The following PBX3 variants were observed in gnomAD, a reference collection of about 807,000 sequenced individuals.
The protein encoded by PBX3 is PBX homeobox 3.
A neutral mutation model predicts 48.5 loss-of-function variants in PBX3; 14 were observed. That is an observed-to-expected ratio of 0.29 (90% CI 0.19 to 0.45). PBX3 has a LOEUF of 0.45. PBX3 is among the 20% of genes least tolerant of loss of function. The pLI is 1.00. For synonymous variants in PBX3, 210 were observed against 200.3 expected (o/e 1.05, Z -0.41); for missense variants, 386 against 546.7 (o/e 0.71, Z 2.93).
chr9:125,896,032 C>G (rs1039544266), intron 2 of PBX3, among the ~76,000 whole-genome samples: 1 of 152,064 alleles, frequency 6.6e-6, no homozygotes, highest in Non-Finnish European at 1.5e-5. Context: ...CTGCAAAATA[C>G]TCACTTATTC....
chr9:125,804,993 A>T (rs141042396), intron 2 of PBX3, among the ~76,000 whole-genome samples: 1 of 151,982 alleles, frequency 6.6e-6, no homozygotes, highest in Non-Finnish European at 1.5e-5. Context: ...AAGAAGACAG[A>T]TAAGCTTCTC....
In PBX3 at chr9:125,912,917, A is replaced by G. The variant is rs144854562; in HGVS notation, c.275-2769A>G. ...GACTAAAAGCCAGTGTAACTCTAGAAAGTTAGTAAACTAAGTAATAGTGAG... is the reference window on the plus strand; with the variant it reads ...GACTAAAAGCCAGTGTAACTCTAGAGAGTTAGTAAACTAAGTAATAGTGAG... On this transcript the variant is annotated intron_variant, in intron 2 of 8. Transcript: ENST00000373489. Among the ~76,000 whole-genome samples, 1,047 of 152,270 alleles carry G rather than the reference A, an allele frequency of 6.9e-3. 4 individuals are homozygous for G. The highest frequency in any genetic ancestry group is 0.027 in the Middle Eastern group (8 of 294).
chr9:125,918,612 A>C (rs1841387048), intron 3 of PBX3, among the ~76,000 whole-genome samples: 2 of 152,174 alleles, frequency 1.3e-5, no homozygotes, highest in Non-Finnish European at 2.9e-5. Context: ...AGATATATAA[A>C]ATCTGTACAG....
chr9:125,960,890 C>T (rs1320251202), intron 6 of PBX3, 41 bp downstream of exon 6: 1 of 1,597,698 alleles, frequency 6.3e-7, no homozygotes, highest in African/African-American at 1.3e-5. Flanking sequence ...CCCAGGCAGC[C>T]TTATGCCACA....
At chr9:125,748,504 C>A (rs1392446635) in intron 1 of PBX3, 46 bp from the exon 2 acceptor site, 5 of 1,599,532 alleles carry the variant, frequency 3.1e-6, no homozygotes, top group Admixed American at 1.7e-5. Context: ...CCATATTATT[C>A]CATAGGTGAT....
intron 2 of PBX3, among the ~76,000 whole-genome samples, chr9:125,761,791 A>G (rs903636455): frequency 6.6e-6 from 1 of 152,140 alleles, no homozygotes; most frequent in Non-Finnish European, 1.5e-5. Context: ...TGATCACCCT[A>G]TAGAGGAATG....
At chr9:125,936,628 A>G (rs1841841919) in intron 5 of PBX3, among the ~76,000 whole-genome samples, 1 of 152,184 alleles carries the variant, frequency 6.6e-6, no homozygotes, top group African/African-American at 2.4e-5. Flanking sequence ...ATTTGAGGGA[A>G]TAGGGCCTGG....
chr9:125,814,638 A>G (rs1163742407), intron 2 of PBX3, among the ~76,000 whole-genome samples: 3 of 152,222 alleles, frequency 2.0e-5, no homozygotes, highest in Non-Finnish European at 4.4e-5. Context: ...CCAATGAATA[A>G]CATTCATGAT....
At chr9:125,790,838 G>A (rs1837581502) in intron 2 of PBX3, among the ~76,000 whole-genome samples, 1 of 152,034 alleles carries the variant, frequency 6.6e-6, no homozygotes, top group Non-Finnish European at 1.5e-5. Flanking sequence ...ATAGGTGTGA[G>A]CCACCGTTCC....
chr9:125,840,603 C>T (rs1246884952), intron 2 of PBX3, among the ~76,000 whole-genome samples: 1 of 151,820 alleles, frequency 6.6e-6, no homozygotes, highest in Non-Finnish European at 1.5e-5. Context: ...TCCTCGATCT[C>T]CTTGGTACAT....
At chr9:125,796,138 A>T (rs1028273147) in intron 2 of PBX3, among the ~76,000 whole-genome samples, 2 of 152,182 alleles carry the variant, frequency 1.3e-5, no homozygotes, top group Non-Finnish European at 2.9e-5. Context: ...AATAGCTCAG[A>T]TTAAAATTAG....
Position 125,779,947 on chromosome 9 carries a change from C to A in PBX3, c.274+31324C>A, listed in dbSNP as rs576678131. Reference sequence around the variant, plus strand: ...CTGGCCGGGCGGGGGGCTGACCCCCCACCTCCCTCCCGGACGGGGCGGCTG... The same window carrying A: ...CTGGCCGGGCGGGGGGCTGACCCCCAACCTCCCTCCCGGACGGGGCGGCTG... On this transcript the variant is annotated intron_variant, in intron 2 of 8. Transcript: ENST00000373489. 8.5e-4 allele frequency among the ~76,000 whole-genome samples: 99 copies of A among 116,948 alleles called. 6 individuals carry two copies. The East Asian group carries it at 0.015, about 18-fold the overall frequency. The allele number at this position is 116,948 out of a possible 152,430, so 76.7% of individuals were successfully genotyped here. A position where few individuals can be genotyped will look rare whatever the true frequency, so the allele number is the denominator to read the frequency against.
intron 5 of PBX3, among the ~76,000 whole-genome samples, chr9:125,947,725 A>G (rs1319887178): frequency 6.6e-6 from 1 of 152,166 alleles, no homozygotes; most frequent in Non-Finnish European, 1.5e-5. Flanking sequence ...TACTCTAAGT[A>G]ATAGAGTCAG....
chr9:125,954,277 A>G (rs1024452913), intron 5 of PBX3, among the ~76,000 whole-genome samples: 6 of 152,250 alleles, frequency 3.9e-5, no homozygotes, highest in African/African-American at 1.4e-4. Context: ...TTATTTATCA[A>G]AATAAGTATT....
intron 2 of PBX3, among the ~76,000 whole-genome samples, chr9:125,781,759 T>C (rs765165110): frequency 1.2e-3 from 189 of 152,236 alleles, no homozygotes; most frequent in Admixed American, 2.4e-3. Flanking sequence ...TTTTCTTCTT[T>C]TTCTAGTTCT....
chr9:125,861,460 C>T (rs1035220072), intron 2 of PBX3, among the ~76,000 whole-genome samples: 3 of 152,024 alleles, frequency 2.0e-5, no homozygotes, highest in African/African-American at 7.2e-5. Context: ...TACCATATGA[C>T]CCAGCAATTT....
intron 2 of PBX3, among the ~76,000 whole-genome samples, chr9:125,795,999 T>G (rs1837767202): frequency 6.6e-6 from 1 of 152,186 alleles, no homozygotes; most frequent in Non-Finnish European, 1.5e-5. Context: ...TGGAGTGTAT[T>G]TAGTTCATTT....
chr9:125,789,226 A>G (rs1837536602), intron 2 of PBX3, among the ~76,000 whole-genome samples: 2 of 152,236 alleles, frequency 1.3e-5, no homozygotes, highest in African/African-American at 4.8e-5. Context: ...TCAGTTGTCA[A>G]TTGCTGCATA....
chr9:125,943,232 T>G (rs1841995283), intron 5 of PBX3, among the ~76,000 whole-genome samples: 1 of 151,430 alleles, frequency 6.6e-6, no homozygotes, highest in Non-Finnish European at 1.5e-5. Flanking sequence ...GGCACACGCC[T>G]GTAGTCCCAG....
Sources: allele counts gnomAD v4.1 joint callset (sites outside exome capture counted in the v4.1 genomes callset), GRCh38; gene constraint gnomAD v4.1.1; transcripts MANE v1.5; gene names NCBI Gene and HGNC (gene_info 2026-07-23, HGNC 2026-07-21).